PVR: variants seen among roughly 807,000 people sequenced by gnomAD.
PVR encodes poliovirus receptor.
PVR carries 39 observed loss-of-function variants against 43.3 expected under a neutral mutation model. The ratio of observed to expected loss-of-function variants is 0.90; its 90% CI spans 0.70 to 1.18. The LOEUF (loss-of-function observed/expected upper bound fraction) is 1.18, where lower values mean the gene tolerates loss of function less well. Among genes scored for constraint, PVR ranks in the 50% most tolerant of loss-of-function variants. PVR has a pLI of 0.00. For missense variants in PVR, 480 were observed against 549.7 expected (o/e 0.87, Z 1.27); for synonymous variants, 224 against 233.2 (o/e 0.96, Z 0.36).
chr19:44,658,659 A>C, intron 5 of PVR, 83 bp from the exon 6 acceptor site: 1 of 1,277,812 alleles, frequency 7.8e-7, no homozygotes, highest in African/African-American at 1.5e-5. Flanking sequence ...TGGCTCCCTA[A>C]GGAAATTCAA....
chr19:44,645,034 A>G (rs1159310370), intron 1 of PVR, among the ~76,000 whole-genome samples: 1 of 107,784 alleles, frequency 9.3e-6, no homozygotes, highest in East Asian at 2.4e-4. Flanking sequence ...ATAGTAATAT[A>G]TAATATATAA....
intron 4 of PVR, among the ~76,000 whole-genome samples, chr19:44,656,323 G>A (rs535474451): frequency 3.9e-5 from 6 of 152,212 alleles, no homozygotes; most frequent in East Asian, 1.9e-4. Flanking sequence ...GCAGTTGTCC[G>A]TGGAAGGAAT....
chr19:44,651,733 C>T lies in PVR; in HGVS notation c.724+1628C>T, dbSNP rs1403511910. 2.6e-5 allele frequency among the ~76,000 whole-genome samples: 4 copies of T among 152,324 alleles called. No homozygotes were observed. The East Asian group carries it at 5.8e-4, about 22-fold the overall frequency. The stretch of plus-strand genomic sequence containing the variant: ...TCCACCAGCTCCCTCATGGCATCAT[C>T]GACATTGACACCCACACATTTATCT... On this transcript the variant is annotated intron_variant, in intron 3 of 7. Coordinates refer to ENST00000425690, the MANE Select transcript of PVR (RefSeq NM_006505.5).
intron 6 of PVR, among the ~76,000 whole-genome samples, chr19:44,659,458 A>G (rs1973538182): frequency 6.6e-6 from 1 of 152,006 alleles, no homozygotes; most frequent in African/African-American, 2.4e-5. Flanking sequence ...CTCGATTTTA[A>G]TTTTTAATTT....
intron 3 of PVR, among the ~76,000 whole-genome samples, chr19:44,653,278 C>T (rs1973332263): frequency 6.6e-6 from 1 of 152,118 alleles, no homozygotes; most frequent in African/African-American, 2.4e-5. Context: ...CATACTGTTC[C>T]TCCCACCATT....
chr19:44,648,652 CTGTTT>C (rs55976228), intron 2 of PVR, among the ~76,000 whole-genome samples: 6,790 of 151,344 alleles, frequency 0.045, 190 homozygotes, highest in Non-Finnish European at 0.061. Context: ...AACTTGTTTT[CTGTTT>C]TGTTTTGTTT....
intron 3 of PVR, among the ~76,000 whole-genome samples, chr19:44,651,510 A>G (rs1973279854): frequency 6.6e-6 from 1 of 152,018 alleles, no homozygotes; most frequent in Admixed American, 6.6e-5. Flanking sequence ...ATCTTCTCAC[A>G]TTGTTTGTGC....
chr19:44,644,250 T>G, intron 1 of PVR, 75 bp downstream of exon 1: 1 of 1,220,936 alleles, frequency 8.2e-7, no homozygotes, highest in Non-Finnish European at 1.1e-6. Flanking sequence ...ACTCGCCCCC[T>G]TGGGTTCCCG....
At chr19:44,653,147 TCACCCCCAC>T (rs1973328631) in intron 3 of PVR, among the ~76,000 whole-genome samples, 1 of 152,160 alleles carries the variant, frequency 6.6e-6, no homozygotes, top group African/African-American at 2.4e-5. Flanking sequence ...GGGGGTGATC[TCACCCCCAC>T]CACCACATTT....
At chr19:44,649,425 A>G (rs1019411021) in intron 2 of PVR, among the ~76,000 whole-genome samples, 2 of 137,332 alleles carry the variant, frequency 1.5e-5, no homozygotes, top group South Asian at 2.4e-4. Context: ...GCCATTCTGT[A>G]TCTTTTTTTT....
chr19:44,650,182 G>A, intron 3 of PVR, 77 bp downstream of exon 3: 1 of 1,345,270 alleles, frequency 7.4e-7, no homozygotes, highest in Admixed American at 2.8e-5. Context: ...ACTCCCCAAG[G>A]CACTGTAGGC....
rs759460699 is a variant in PVR at position 44,649,836 on chromosome 19, A to C, written c.455A>C (p.Gln152Pro). 5 of 1,614,048 alleles carry C rather than the reference A, an allele frequency of 3.1e-6. No homozygotes were observed. The South Asian group carries it at 5.5e-5, about 18-fold the overall frequency. ...LAKPQNTAEVQKVQLTGEPVP... is the reference protein window; with the variant it reads ...LAKPQNTAEVPKVQLTGEPVP... The stretch of plus-strand genomic sequence containing the variant: ...AAGCCCCAGAACACAGCTGAGGTTC[A>C]GAAGGTCCAGCTCACTGGAGAGCCA... Residue 152 changes from glutamine to proline, a missense_variant, in exon 3 of 8, where the codon CAG becomes CCG. Physicochemically the swap from Gln to Pro is moderately conservative, Grantham distance 76. Coordinates refer to ENST00000425690, the MANE Select transcript of PVR (RefSeq NM_006505.5).
chr19:44,658,755 T>A lies in PVR; in HGVS notation c.1005T>A (p.Ser335Arg), dbSNP rs1568505700. The A allele has an allele frequency of 5.0e-6, 8 of 1,608,798 alleles. No individual in the cohort carries two copies. The highest frequency in any genetic ancestry group is 6.8e-6 in the Non-Finnish European group (8 of 1,175,480). ...LTVQVKEGPP[S>R]EHSGMSRNAI... ...CTTCTCTTTCAGAGGGACCTCCCAG[T>A]GAGCACTCAGGCATGTCCCGTAACG... is the stretch of plus-strand genomic sequence containing the variant. Residue 335 changes from serine (S) to arginine (R), a missense_variant, in exon 6 of 8, where the codon AGT (serine) becomes AGA (arginine). Ser to Arg is a moderately radical substitution (Grantham distance 110). Transcript: ENST00000425690.
chr19:44,649,159 A>G (rs1973209614), intron 2 of PVR, among the ~76,000 whole-genome samples: 1 of 152,160 alleles, frequency 6.6e-6, no homozygotes, highest in South Asian at 2.1e-4. Flanking sequence ...CTGCCTAGGA[A>G]AGAGTCCGTC....
At position 44,649,973 on chromosome 19, in the gene PVR, G is replaced by A; in HGVS notation, c.592G>A (p.Gly198Ser). The change falls in exon 3 of 8, where the codon GGC becomes AGC. Residue 198 changes from glycine (G) to serine (S), a missense_variant. Physicochemically the swap from Gly to Ser is moderately conservative, Grantham distance 56 (BLOSUM62 0). Coordinates refer to ENST00000425690, the MANE Select transcript of PVR (RefSeq NM_006505.5). ...GAGCCAGGTGCCAGGGTTCCTGTCT[G>A]GCACAGTCACTGTCACCAGCCTCTG... ...NTSQVPGFLS[G>S]TVTVTSLWIL... The A allele has an allele frequency of 6.2e-7, 1 of 1,608,404 alleles. No individual in the cohort carries two copies. The highest frequency in any genetic ancestry group is 8.5e-7 in the Non-Finnish European group (1 of 1,176,374).
chr19:44,653,805 T>A (rs1344516245), intron 3 of PVR, 95 bp from the exon 4 acceptor site: 6 of 825,290 alleles, frequency 7.3e-6, no homozygotes, highest in Non-Finnish European at 1.2e-5. Flanking sequence ...TTTCCAAATA[T>A]CCCCGGGCCT....
intron 1 of PVR, among the ~76,000 whole-genome samples, chr19:44,645,385 CAT>C (rs1270543894): frequency 5.0e-5 from 5 of 100,642 alleles, no homozygotes; most frequent in Non-Finnish European, 7.3e-5. Flanking sequence ...AAATAGATAA[CAT>C]ATTTTATTAT....
chr19:44,650,118 A>C lies in PVR; in HGVS notation c.724+13A>C, dbSNP rs749395004. 1 of 1,510,712 alleles carries C rather than the reference A, an allele frequency of 6.6e-7. No individual in the cohort carries two copies. 93.6% of individuals were successfully genotyped at this position (1,510,712 alleles called of 1,614,324 possible). A position where few individuals can be genotyped will look rare whatever the true frequency, so the allele number is the denominator to read the frequency against. Reference sequence around the variant, plus strand: ...CTCACCGTGTACTGTGAGTGTGCCCAAGTCAGCGATGGCAAGAACCCCTGC... The same window carrying C: ...CTCACCGTGTACTGTGAGTGTGCCCCAGTCAGCGATGGCAAGAACCCCTGC... On this transcript the variant is annotated intron_variant, in intron 3 of 7. Coordinates refer to ENST00000425690, the MANE Select transcript of PVR (RefSeq NM_006505.5).
At chr19:44,659,143 T>C (rs1488615991) in intron 6 of PVR, 1 of 441,686 alleles carries the variant, frequency 2.3e-6, no homozygotes, top group Non-Finnish European at 4.0e-6. Flanking sequence ...TGGAATTTAA[T>C]TCAGGTGATG....
Sources: allele counts gnomAD v4.1 joint callset (sites outside exome capture counted in the v4.1 genomes callset), GRCh38; gene constraint gnomAD v4.1.1; transcripts MANE v1.5; gene names NCBI Gene and HGNC (gene_info 2026-07-23, HGNC 2026-07-21).